Variants in SORCS2 observed in about 807,000 individuals in gnomAD.
The protein encoded by SORCS2 is sortilin related VPS10 domain containing receptor 2.
A neutral mutation model predicts 141.6 loss-of-function variants in SORCS2; 100 were observed. The observed-to-expected ratio is 0.71, with a 90% confidence interval of 0.60 to 0.83. The LOEUF (loss-of-function observed/expected upper bound fraction) is 0.83. Ranked by LOEUF, SORCS2 falls within the 40% of genes least tolerant of loss-of-function variation. The pLI is 0.00. For synonymous variants in SORCS2, 789 were observed against 676.9 expected (o/e 1.17, Z -2.57); for missense variants, 1,646 against 1,560.2 (o/e 1.05, Z -0.93).
In SORCS2 at chr4:7,645,027, C is replaced by CA. The variant is rs201792548; in HGVS notation, c.813+6536dup. Among the ~76,000 whole-genome samples, 989 of 152,362 alleles carry CA rather than the reference C, an allele frequency of 6.5e-3. 6 individuals carry two copies. Among genetic ancestry groups the CA allele is most frequent in the Middle Eastern group, 0.017 (5 of 294 alleles). On this transcript the variant is annotated intron_variant, in intron 4 of 26. Coordinates refer to ENST00000507866, the MANE Select transcript of SORCS2 (RefSeq NM_020777.3). ...GAGTTGGAAAGGCTTCATAAAGCTC[C>CA]AGGGCAGGCGTCGTAAACGCAAGCG...
intron 1 of SORCS2, among the ~76,000 whole-genome samples, chr4:7,338,285 AGGATGGAT>A (rs36023886): frequency 1.4e-5 from 2 of 138,668 alleles, no homozygotes; most frequent in Non-Finnish European, 3.1e-5. Context: ...GTTGGATGGA[AGGATGGAT>A]GGATGGATGG....
intron 14 of SORCS2, among the ~76,000 whole-genome samples, chr4:7,708,450 C>T (rs1035147975): frequency 2.6e-5 from 4 of 152,108 alleles, no homozygotes; most frequent in Non-Finnish European, 5.9e-5. Context: ...ATCCAGTACC[C>T]GCCACGGGTG....
intron 1 of SORCS2, among the ~76,000 whole-genome samples, chr4:7,287,480 G>A (rs1716306463): frequency 6.6e-6 from 1 of 152,274 alleles, no homozygotes; most frequent in African/African-American, 2.4e-5. Flanking sequence ...AGGCTGGATG[G>A]GTGGGGAGAC....
At chr4:7,694,286 A>C (rs1209927204) in intron 11 of SORCS2, among the ~76,000 whole-genome samples, 1 of 152,024 alleles carries the variant, frequency 6.6e-6, no homozygotes, top group Admixed American at 6.5e-5. Flanking sequence ...GGCAGCAGAG[A>C]AGCTTCTCCC....
chr4:7,331,224 C>T lies in SORCS2; in HGVS notation c.481-65064C>T, dbSNP rs763466884. The stretch of plus-strand genomic sequence containing the variant: ...GGTTTCATTTTCCGTGGGCTGGAGA[C>T]TGCTGTGGGGCTCGGCATGCACCTC... On this transcript the variant is annotated intron_variant, in intron 1 of 26. Coordinates refer to ENST00000507866, the MANE Select transcript of SORCS2 (RefSeq NM_020777.3). Among the ~76,000 whole-genome samples, 108 of 152,262 alleles carry T rather than the reference C, an allele frequency of 7.1e-4. 1 individual carries two copies. Among genetic ancestry groups the T allele is most frequent in the Admixed American group, 1.4e-3 (22 of 15,300 alleles).
chr4:7,265,958 G>T (rs1192553048), intron 1 of SORCS2, among the ~76,000 whole-genome samples: 3 of 152,114 alleles, frequency 2.0e-5, no homozygotes, highest in Non-Finnish European at 4.4e-5. Context: ...ACAGCCTCCG[G>T]CTCATCCTCC....
intron 1 of SORCS2, among the ~76,000 whole-genome samples, chr4:7,244,644 A>C (rs1326287387): frequency 6.6e-6 from 1 of 152,190 alleles, no homozygotes; most frequent in Non-Finnish European, 1.5e-5. Flanking sequence ...CCCCCTGGGA[A>C]GACTGAAGGC....
chr4:7,684,109 A>C (rs1723731443), intron 10 of SORCS2, among the ~76,000 whole-genome samples: 2 of 152,130 alleles, frequency 1.3e-5, no homozygotes, highest in Admixed American at 6.5e-5. Context: ...TGCATACCGC[A>C]GGGAGCTCAC....
chr4:7,569,703 G>T (rs149329044), intron 3 of SORCS2, among the ~76,000 whole-genome samples: 2 of 152,136 alleles, frequency 1.3e-5, no homozygotes, highest in Non-Finnish European at 2.9e-5. Flanking sequence ...ACCACAGGGC[G>T]GGGCCGTCTG....
intron 2 of SORCS2, among the ~76,000 whole-genome samples, chr4:7,515,501 C>T (rs1732916056): frequency 6.6e-6 from 1 of 152,116 alleles, no homozygotes; most frequent in Non-Finnish European, 1.5e-5. Flanking sequence ...GCGCCTGGCA[C>T]GAGGGCTCAG....
intron 9 of SORCS2, among the ~76,000 whole-genome samples, chr4:7,678,378 C>G (rs1723302346): frequency 6.6e-6 from 1 of 150,398 alleles, no homozygotes; most frequent in African/African-American, 2.5e-5. Context: ...AGGGATGGCC[C>G]TTCTCTGAAA....
chr4:7,427,730 G>A (rs779536139), intron 2 of SORCS2, among the ~76,000 whole-genome samples: 1 of 152,056 alleles, frequency 6.6e-6, no homozygotes, highest in Non-Finnish European at 1.5e-5. Context: ...GAGGCAGGGG[G>A]CAAGAGAGTG....
chr4:7,434,955 C>T, intron 2 of SORCS2: 1 of 1,452,910 alleles, frequency 6.9e-7, no homozygotes, highest in African/African-American at 1.4e-5. Context: ...TGCCTGGCCC[C>T]AGAGGAGGCA....
intron 1 of SORCS2, among the ~76,000 whole-genome samples, chr4:7,209,679 GT>G (rs761057862): frequency 4.8e-5 from 7 of 147,022 alleles, no homozygotes; most frequent in African/African-American, 7.5e-5. Context: ...CTTCCAATCT[GT>G]TTTTTTTTTT....
intron 2 of SORCS2, among the ~76,000 whole-genome samples, chr4:7,426,419 T>G (rs1032308821): frequency 3.9e-5 from 6 of 152,178 alleles, no homozygotes; most frequent in Non-Finnish European, 7.4e-5. Flanking sequence ...GGCCCATTAC[T>G]AAGAACCATG....
intron 2 of SORCS2, among the ~76,000 whole-genome samples, chr4:7,453,213 G>T (rs539533170): frequency 9.0e-5 from 10 of 111,338 alleles, no homozygotes; most frequent in South Asian, 3.4e-4. Flanking sequence ...GGGGTCAGGC[G>T]CTGTGTTGGG....
intron 2 of SORCS2, among the ~76,000 whole-genome samples, chr4:7,408,441 A>G (rs1290143628): frequency 1.3e-5 from 2 of 151,426 alleles, no homozygotes; most frequent in Non-Finnish European, 2.9e-5. Flanking sequence ...CCTGGCCTGT[A>G]TGATTTCCTT....
intron 1 of SORCS2, among the ~76,000 whole-genome samples, chr4:7,260,401 G>C (rs951599864): frequency 3.3e-5 from 5 of 152,216 alleles, no homozygotes; most frequent in Admixed American, 6.5e-5. Flanking sequence ...TCCCAGGAAT[G>C]TTGAGCAACA....
chr4:7,212,066 G>C (rs1404642569), intron 1 of SORCS2, among the ~76,000 whole-genome samples: 1 of 152,228 alleles, frequency 6.6e-6, no homozygotes, highest in Non-Finnish European at 1.5e-5. Context: ...TGATACAGAG[G>C]ATGGGGAGAG....
Sources: gnomAD v4.1 joint callset for allele counts (sites outside exome capture counted in the v4.1 genomes callset) on GRCh38, gnomAD v4.1.1 for gene constraint, MANE v1.5 for transcripts, NCBI Gene and HGNC (gene_info 2026-07-23, HGNC 2026-07-21) for gene names.